The following CNN1 variants were observed in gnomAD, a reference collection of about 807,000 sequenced individuals.
The protein encoded by CNN1 is calponin-1.
CNN1 carries 21 observed loss-of-function variants against 35.3 expected under a neutral mutation model. The observed-to-expected ratio is 0.60, with a 90% CI of 0.42 to 0.86. The LOEUF (loss-of-function observed/expected upper bound fraction) is 0.86. Ranked by LOEUF, CNN1 falls within the 40% of genes least tolerant of loss-of-function variation. The pLI is 0.00. For missense variants in CNN1, 314 were observed against 400.8 expected (o/e 0.78, Z 1.85); for synonymous variants, 164 against 161.8 (o/e 1.01, Z -0.10).
At chr19:11,544,846 A>G (rs1972546101) in intron 2 of CNN1, among the ~76,000 whole-genome samples, 1 of 151,786 alleles carries the variant, frequency 6.6e-6, no homozygotes. Flanking sequence ...TTTCATTCTG[A>G]AGGCAATGGG....
chr19:11,539,523 G>T, intron 1 of CNN1: 6 of 1,133,344 alleles, frequency 5.3e-6, no homozygotes, highest in African/African-American at 1.7e-5. Context: ...TGGGTAAACT[G>T]AGGTTCGGAG....
intron 5 of CNN1, among the ~76,000 whole-genome samples, chr19:11,548,890 ATAAAC>A (rs1390967042): frequency 1.3e-5 from 2 of 152,016 alleles, no homozygotes; most frequent in Non-Finnish European, 2.9e-5. Context: ...AAATATAAAA[ATAAAC>A]TAAAAAATGG....
Position 11,549,766 on chromosome 19 carries a change from C to G in CNN1, c.865C>G (p.His289Asp), listed in dbSNP as rs756852254. The G allele has an allele frequency of 6.2e-7, 1 of 1,613,182 alleles. No individual in the cohort carries two copies. The highest frequency in any genetic ancestry group is 1.1e-5 in the South Asian group (1 of 90,950). ...GCTGGGTGAGCCCGCCCACAACCAC[C>G]ACGCACACAACTACTACAATTCCGC... ...PELGEPAHNH[H>D]AHNYYNSA Residue 289 changes from histidine (H) to aspartate (D), a missense_variant, in exon 7 of 7, where the codon CAC (histidine) becomes GAC (aspartate). Coordinates refer to ENST00000252456, the MANE Select transcript of CNN1 (RefSeq NM_001299.6). This position sits in a 1 kb window ranked among gnomAD's most constrained non-coding sequence, Gnocchi z 5.2.
chr19:11,548,013 C>T (rs1412010481), intron 5 of CNN1, 106 bp downstream of exon 5: 6 of 781,672 alleles, frequency 7.7e-6, no homozygotes, highest in South Asian at 5.6e-5. Flanking sequence ...TACTATAGGC[C>T]GGGTACTGTG....
At chr19:11,540,786 C>T (rs1411382683) in intron 1 of CNN1, 1 of 297,412 alleles carries the variant, frequency 3.4e-6, no homozygotes, top group African/African-American at 2.2e-5. Context: ...GGGTGCCACC[C>T]CTCTAGCTCA....
Position 11,546,681 on chromosome 19 carries a change from C to T in CNN1, c.192C>T (p.Ile64=), listed in dbSNP as rs1205293480. The change falls in exon 3 of 7, where the codon ATC becomes ATT. Residue 64 remains isoleucine (I), a synonymous_variant. Transcript: ENST00000252456. The part of the protein sequence containing the change: ...LKDGIILCEF[I]NKLQPGSVKK... ...CCTTCCCCACTCTTCTCAGATTCATCAATAAGCTGCAGCCAGGCTCCGTGA... is the reference window on the plus strand; with the variant it reads ...CCTTCCCCACTCTTCTCAGATTCATTAATAAGCTGCAGCCAGGCTCCGTGA... 2 of 1,614,002 alleles carry T rather than the reference C, an allele frequency of 1.2e-6. No individual in the cohort carries two copies. Among genetic ancestry groups the T allele is most frequent in the African/African-American group, 2.7e-5 (2 of 74,908 alleles).
At chr19:11,547,092 G>C in intron 4 of CNN1, 123 bp downstream of exon 4, 1 of 1,455,108 alleles carries the variant, frequency 6.9e-7, no homozygotes, top group Non-Finnish European at 9.4e-7. Flanking sequence ...CGGGGAGCAG[G>C]TGCTGTCAAC....
chr19:11,545,909 T>G (rs1484029196), intron 2 of CNN1, among the ~76,000 whole-genome samples: 1 of 149,822 alleles, frequency 6.7e-6, no homozygotes, highest in Non-Finnish European at 1.5e-5. Flanking sequence ...GAGGCTGCAG[T>G]GAGCTGTGAT....
chr19:11,543,740 A>G (rs939070889), intron 2 of CNN1, among the ~76,000 whole-genome samples: 2 of 144,574 alleles, frequency 1.4e-5, no homozygotes, highest in East Asian at 2.1e-4. Flanking sequence ...CCGAGATCCC[A>G]CCACTGCACT....
chr19:11,544,984 AG>A (rs1972548516), intron 2 of CNN1, among the ~76,000 whole-genome samples: 1 of 152,062 alleles, frequency 6.6e-6, no homozygotes, highest in African/African-American at 2.4e-5. Flanking sequence ...ATATCACTTG[AG>A]GTCAGGAGTT....
At position 11,549,422 on chromosome 19, in the gene CNN1, C is replaced by T. The variant is rs1972665496; in HGVS notation, c.601C>T (p.Gln201Ter). 1 of 1,613,722 alleles carries T rather than the reference C, an allele frequency of 6.2e-7. No homozygotes were observed. Among genetic ancestry groups the T allele is most frequent in the Admixed American group, 1.7e-5 (1 of 59,962 alleles). Residue 201 changes from glutamine (Q) to a stop codon, truncating the protein, a stop_gained, in exon 6 of 7, where the codon CAG becomes TAG. Coordinates refer to ENST00000252456, the MANE Select transcript of CNN1 (RefSeq NM_001299.6). LOFTEE classifies it high-confidence loss of function. This position sits in a 1 kb window ranked among gnomAD's most constrained non-coding sequence, Gnocchi z 5.2. ...PKLGTDQPLD[Q>*]ATISLQMGTN... ...GCTGGGCACAGACCAGCCTCTGGAC[C>T]AGGCGACCATCAGCCTGCAGATGGG... is the stretch of plus-strand genomic sequence containing the variant.
chr19:11,549,501 G>A lies in CNN1; in HGVS notation c.648+32G>A. 1 of 1,609,148 alleles carries A rather than the reference G, an allele frequency of 6.2e-7. No homozygotes were observed. The highest frequency in any genetic ancestry group is 1.3e-5 in the African/African-American group (1 of 74,946). ...GGGGGCCCCCGGGACACGCCGTCAAGGCCCAGGACCCTGGCCACCCCACGG... is the reference window on the plus strand; with the variant it reads ...GGGGGCCCCCGGGACACGCCGTCAAAGCCCAGGACCCTGGCCACCCCACGG... On this transcript the variant is annotated intron_variant, in intron 6 of 6. Coordinates refer to ENST00000252456, the MANE Select transcript of CNN1 (RefSeq NM_001299.6). This position sits in a 1 kb window ranked among gnomAD's most constrained non-coding sequence, Gnocchi z 5.2.
At chr19:11,541,558 ATAAT>A (rs1372502205) in intron 2 of CNN1, among the ~76,000 whole-genome samples, 1 of 152,122 alleles carries the variant, frequency 6.6e-6, no homozygotes, top group Non-Finnish European at 1.5e-5. Flanking sequence ...ATGTGCAGCA[ATAAT>A]TAAAGGAGGC....
Position 11,546,950 on chromosome 19 carries a change from T to C in CNN1, c.371T>C (p.Leu124Pro). ...NTNHTQVQST[L>P]LALASMAKTK... is the part of the protein sequence containing the mutation. ...AACCATACACAGGTGCAGTCCACCC[T>C]CCTGGCTTTGGCCAGCATGGTGAGT... is the stretch of plus-strand genomic sequence containing the variant. Residue 124 changes from leucine (L) to proline (P), a missense_variant, in exon 4 of 7, where the codon CTC (leucine) becomes CCC (proline). Transcript: ENST00000252456. 1 of 1,614,204 alleles carries C rather than the reference T, an allele frequency of 6.2e-7. No individual in the cohort carries two copies. Among genetic ancestry groups the C allele is most frequent in the African/African-American group, 1.3e-5 (1 of 75,062 alleles).
At chr19:11,541,716 A>G (rs1393486594) in intron 2 of CNN1, among the ~76,000 whole-genome samples, 11 of 151,894 alleles carry the variant, frequency 7.2e-5, no homozygotes, top group Middle Eastern at 3.2e-3. Context: ...AGCCTCCCCA[A>G]TAGCTGGGAT....
Position 11,549,249 on chromosome 19 carries a change from C to T in CNN1, c.502-74C>T, listed in dbSNP as rs1293877365. ...AAATGATAAAGCGGCGCCTCATCCT[C>T]TCCCATCAGCTATGCCTCATGGCCC... On this transcript the variant is annotated intron_variant, in intron 5 of 6. Coordinates refer to ENST00000252456, the MANE Select transcript of CNN1 (RefSeq NM_001299.6). This position sits in a 1 kb window ranked among gnomAD's most constrained non-coding sequence, Gnocchi z 5.2. The T allele has an allele frequency of 6.8e-6, 10 of 1,479,264 alleles. No homozygotes were observed. Among genetic ancestry groups the T allele is most frequent in the Admixed American group, 2.1e-5 (1 of 47,694 alleles). The allele number at this position is 1,479,264 out of a possible 1,614,324, so 91.6% of individuals were successfully genotyped here.
At chr19:11,542,262 A>C (rs1972482819) in intron 2 of CNN1, 1 of 151,306 alleles carries the variant, frequency 6.6e-6, no homozygotes, top group African/African-American at 2.4e-5. Flanking sequence ...ACATGATCTC[A>C]GCTCACTGCA....
chr19:11,547,102 C>A, intron 4 of CNN1, 133 bp downstream of exon 4: 1 of 1,368,244 alleles, frequency 7.3e-7, no homozygotes, highest in Non-Finnish European at 1.0e-6. Context: ...GTGCTGTCAA[C>A]AGCGTCCAAG....
rs762505442 is a variant in CNN1, at chr19:11,549,493, G to A, written c.648+24G>A. The A allele has an allele frequency of 9.3e-6, 15 of 1,611,594 alleles. No individual in the cohort carries two copies. The highest frequency in any genetic ancestry group is 2.7e-5 in the African/African-American group (2 of 75,028). On this transcript the variant is annotated intron_variant, in intron 6 of 6. Coordinates refer to ENST00000252456, the MANE Select transcript of CNN1 (RefSeq NM_001299.6). The surrounding 1 kb of genome is among the most constrained non-coding windows in gnomAD (Gnocchi z 5.2). ...AGGTGAGTGGGGGCCCCCGGGACACGCCGTCAAGGCCCAGGACCCTGGCCA... is the reference window on the plus strand; with the variant it reads ...AGGTGAGTGGGGGCCCCCGGGACACACCGTCAAGGCCCAGGACCCTGGCCA...
Sources: allele counts gnomAD v4.1 joint callset (sites outside exome capture counted in the v4.1 genomes callset), GRCh38; gene constraint gnomAD v4.1.1; non-coding constraint Gnocchi (gnomAD v3.1); transcripts MANE v1.5; gene names NCBI Gene and HGNC (gene_info 2026-07-23, HGNC 2026-07-21).